The following CTNND2 variants were observed in gnomAD, a reference collection of about 807,000 sequenced individuals.
CTNND2 encodes the protein catenin delta-2.
CTNND2 carries 22 observed loss-of-function variants against 144.4 expected under a neutral mutation model. The ratio of observed to expected loss-of-function variants is 0.15; its 90% CI spans 0.11 to 0.22. CTNND2 has a LOEUF of 0.22. Ranked by LOEUF, CTNND2 falls within the 10% of genes least tolerant of loss-of-function variation. The pLI is 1.00. For missense variants in CTNND2, 1,353 were observed against 1,618.8 expected, an observed-to-expected ratio of 0.84 and a Z score of 2.82; for synonymous variants, 751 against 695.6, an observed-to-expected ratio of 1.08 and a Z score of -1.25.
Position 10,973,611 on chromosome 5 carries a change from C to T in CTNND2, c.3520G>A (p.Asp1174Asn). Residue 1174 changes from aspartate (D) to asparagine (N), a missense_variant, in exon 22 of 22, where the codon GAC becomes AAC. Physicochemically the swap from Asp to Asn is conservative, Grantham distance 23. Around this residue, in one of 4 missense-constraint regions of CTNND2, gnomAD observed 459 missense variants for 674.3 expected, o/e 0.68. Coordinates refer to ENST00000304623, the MANE Select transcript of CTNND2 (RefSeq NM_001332.4). This position sits in a 1 kb window ranked among gnomAD's most constrained non-coding sequence, Gnocchi z 5.6. ...TRNYDESFFEDQVHHRPPASE... is the reference protein window; with the variant it reads ...TRNYDESFFENQVHHRPPASE... ...GCGGGAGGGCGATGGTGGACCTGGT[C>T]CTCGAAGAAGGACTCATCGTAATTT... is the stretch of plus-strand genomic sequence containing the variant. 1 of 1,614,114 alleles carries T rather than the reference C, an allele frequency of 6.2e-7. No homozygotes were observed. Among genetic ancestry groups the T allele is most frequent in the South Asian group, 1.1e-5 (1 of 91,088 alleles).
chr5:11,612,104 C>T (rs1398132639), intron 2 of CTNND2, among the ~76,000 whole-genome samples: 1 of 152,132 alleles, frequency 6.6e-6, no homozygotes, highest in Non-Finnish European at 1.5e-5. Context: ...GAGAATATAG[C>T]ACCTTAAAAC....
chr5:11,194,975 T>C (rs951227849), intron 11 of CTNND2, among the ~76,000 whole-genome samples: 10 of 151,926 alleles, frequency 6.6e-5, no homozygotes, highest in Non-Finnish European at 1.2e-4. Flanking sequence ...TCAGAACATA[T>C]GATAAAAAGG....
At position 11,178,340 on chromosome 5, in the gene CTNND2, A is replaced by G. The variant is rs576751486; in HGVS notation, c.1976-18581T>C. On this transcript the variant is annotated intron_variant, in intron 11 of 21. Transcript: ENST00000304623. The stretch of plus-strand genomic sequence containing the variant: ...TTGAGGAATACTCTTGAAGCCTGGG[A>G]ATGCAGCTCAATGTGGGGAAAATTG... Among the ~76,000 whole-genome samples, 7 of 152,338 alleles carry G rather than the reference A, an allele frequency of 4.6e-5. No homozygotes were observed. In the South Asian group the frequency reaches 1.4e-3, roughly 32 times the overall value.
chr5:11,557,567 C>A (rs943059253), intron 3 of CTNND2, among the ~76,000 whole-genome samples: 1 of 152,080 alleles, frequency 6.6e-6, no homozygotes, highest in Non-Finnish European at 1.5e-5. Context: ...TCTCTAGCTT[C>A]GAATTGAATT....
intron 1 of CTNND2, among the ~76,000 whole-genome samples, chr5:11,880,367 C>A (rs1345632375): frequency 1.3e-5 from 2 of 151,918 alleles, no homozygotes; most frequent in Non-Finnish European, 2.9e-5. Context: ...ATTAACACAA[C>A]AAAGTGCATT....
chr5:11,706,569 T>C (rs956898681), intron 2 of CTNND2, among the ~76,000 whole-genome samples: 1 of 152,200 alleles, frequency 6.6e-6, no homozygotes, highest in African/African-American at 2.4e-5. Flanking sequence ...GAGTACTCTC[T>C]TTCCCTTAGT....
intron 11 of CTNND2, among the ~76,000 whole-genome samples, chr5:11,182,917 A>T (rs1161087006): frequency 6.6e-6 from 1 of 152,216 alleles, no homozygotes; most frequent in Admixed American, 6.5e-5. Flanking sequence ...GGTAAAGGGA[A>T]TTTTAGTAAG....
At chr5:11,164,354 T>C (rs768078623) in intron 11 of CTNND2, among the ~76,000 whole-genome samples, 1 of 152,198 alleles carries the variant, frequency 6.6e-6, no homozygotes. Context: ...CCTTCAAAAA[T>C]AACCTGTTAT....
chr5:10,996,513 G>C (rs1229841255), intron 18 of CTNND2, among the ~76,000 whole-genome samples: 3 of 152,150 alleles, frequency 2.0e-5, no homozygotes, highest in African/African-American at 7.2e-5. Flanking sequence ...CCCTCGAGGA[G>C]GGGGCTCGGG....
chr5:11,763,442 T>C (rs1052746120), intron 1 of CTNND2, among the ~76,000 whole-genome samples: 1 of 152,190 alleles, frequency 6.6e-6, no homozygotes, highest in East Asian at 1.9e-4. Context: ...GGTCATTTCA[T>C]TGTATGATCA....
At chr5:11,377,765 G>T (rs928789975) in intron 7 of CTNND2, among the ~76,000 whole-genome samples, 12 of 152,166 alleles carry the variant, frequency 7.9e-5, no homozygotes, top group African/African-American at 2.2e-4. Flanking sequence ...CCAGGCTTAG[G>T]CACTAACTTG....
intron 9 of CTNND2, among the ~76,000 whole-genome samples, chr5:11,267,809 T>C (rs1380588026): frequency 2.0e-5 from 3 of 152,230 alleles, no homozygotes; most frequent in Non-Finnish European, 4.4e-5. Flanking sequence ...TTAATGTTCT[T>C]ACTAGATCCC....
Position 11,717,749 on chromosome 5 carries a change from C to T in CTNND2, c.174+14387G>A, listed in dbSNP as rs557580606. On this transcript the variant is annotated intron_variant, in intron 2 of 21. Transcript: ENST00000304623. ...GAAAGAGAGATTGTGCAGGGGAATT[C>T]CCATTTTTAAAGCCATCAGATCTCA... Among the ~76,000 whole-genome samples, 231 of 152,110 alleles carry T rather than the reference C, an allele frequency of 1.5e-3. 1 individual carries two copies. The highest frequency in any genetic ancestry group is 2.2e-3 in the Non-Finnish European group (152 of 67,988).
At chr5:11,534,479 C>A (rs750025847) in intron 3 of CTNND2, among the ~76,000 whole-genome samples, 4 of 152,088 alleles carry the variant, frequency 2.6e-5, no homozygotes, top group Non-Finnish European at 4.4e-5. Context: ...GTGGCATGTG[C>A]CTGTAATCCT....
At chr5:11,810,301 A>G (rs111888132) in intron 1 of CTNND2, among the ~76,000 whole-genome samples, 46 of 152,296 alleles carry the variant, frequency 3.0e-4, no homozygotes, top group African/African-American at 1.1e-3. Context: ...AATGCCTGTG[A>G]CACAGACCTT....
chr5:11,857,412 A>C (rs554304319), intron 1 of CTNND2, among the ~76,000 whole-genome samples: 1 of 152,320 alleles, frequency 6.6e-6, no homozygotes, highest in East Asian at 1.9e-4. Context: ...ACAGCAGTCA[A>C]TGAGGGTGTG....
Position 11,240,785 on chromosome 5 carries a change from A to C in CTNND2, c.1629-3962T>G, listed in dbSNP as rs1276916436. On this transcript the variant is annotated intron_variant, in intron 9 of 21. Coordinates refer to ENST00000304623, the MANE Select transcript of CTNND2 (RefSeq NM_001332.4). Reference sequence around the variant, plus strand: ...ACAGACAAATACATTCAGCACACACACCCCCAACCCCCACACACCCAACAC... The same window carrying C: ...ACAGACAAATACATTCAGCACACACCCCCCCAACCCCCACACACCCAACAC... Among the ~76,000 whole-genome samples, 18 of 126,698 alleles carry C rather than the reference A, an allele frequency of 1.4e-4. 1 individual carries two copies. Among genetic ancestry groups the C allele is most frequent in the Admixed American group, 3.3e-4 (4 of 12,000 alleles). The allele number at this position is 126,698 out of a possible 152,430, so 83.1% of individuals were successfully genotyped here.
At chr5:11,537,643 C>T (rs1581439919) in intron 3 of CTNND2, among the ~76,000 whole-genome samples, 1 of 152,106 alleles carries the variant, frequency 6.6e-6, no homozygotes, top group African/African-American at 2.4e-5. Flanking sequence ...ATAAGAAAGA[C>T]ATTCACACTT....
rs61755691 is a variant in CTNND2 at position 11,098,450 on chromosome 5, T to A, written c.2637+125A>T. 3,189 of 833,612 alleles carry A rather than the reference T, an allele frequency of 3.8e-3. 83 individuals are homozygous for A. In the African/African-American group the frequency reaches 0.049, roughly 13 times the overall value. 51.6% of individuals were successfully genotyped at this position (833,612 alleles called of 1,614,324 possible). On this transcript the variant is annotated intron_variant, in intron 15 of 21. Coordinates refer to ENST00000304623, the MANE Select transcript of CTNND2 (RefSeq NM_001332.4). ...TCCAAGTAAAACAGTTCAATATAATTTTTTTTTCTCTAACATCCTAGAAAT... is the reference window on the plus strand; with the variant it reads ...TCCAAGTAAAACAGTTCAATATAATATTTTTTTCTCTAACATCCTAGAAAT...
Sources: allele counts gnomAD v4.1 joint callset (sites outside exome capture counted in the v4.1 genomes callset), GRCh38; gene constraint gnomAD v4.1.1; regional missense constraint gnomAD v4.1.1; non-coding constraint Gnocchi (gnomAD v3.1); transcripts MANE v1.5; gene names NCBI Gene and HGNC (gene_info 2026-07-23, HGNC 2026-07-21).